NELL1: variants seen among roughly 807,000 people sequenced by gnomAD.
The protein encoded by NELL1 is protein kinase C-binding protein NELL1.
Under a neutral mutation model 107.4 loss-of-function variants are expected in NELL1, and 76 were observed. The ratio of observed to expected loss-of-function variants is 0.71; its 90% confidence interval spans 0.59 to 0.86. The LOEUF is 0.86. NELL1 is among the 40% of genes least tolerant of loss of function. The pLI, the probability that NELL1 is intolerant of heterozygous loss-of-function variation, is 0.00. For synonymous variants in NELL1, 353 were observed against 341.2 expected (o/e 1.03, Z -0.38); for missense variants, 1,024 against 1,005.5 (o/e 1.02, Z -0.25).
chr11:21,324,217 C>T (rs925283769), intron 14 of NELL1, among the ~76,000 whole-genome samples: 1 of 152,042 alleles, frequency 6.6e-6, no homozygotes, highest in East Asian at 1.9e-4. Context: ...GACTTAAAAG[C>T]TCAAGAAATT....
At chr11:21,118,051 T>G (rs1024073845) in intron 13 of NELL1, among the ~76,000 whole-genome samples, 2 of 152,060 alleles carry the variant, frequency 1.3e-5, no homozygotes, top group African/African-American at 4.8e-5. Context: ...TAGCTGTTGA[T>G]TAGGATAACC....
chr11:21,514,030 C>A (rs919300226), intron 15 of NELL1, among the ~76,000 whole-genome samples: 2 of 152,080 alleles, frequency 1.3e-5, no homozygotes, highest in Non-Finnish European at 2.9e-5. Flanking sequence ...TTATCAAAAG[C>A]AAAAACATAA....
At chr11:21,148,255 C>A (rs1002392668) in intron 13 of NELL1, among the ~76,000 whole-genome samples, 3 of 152,140 alleles carry the variant, frequency 2.0e-5, no homozygotes, top group African/African-American at 7.2e-5. Flanking sequence ...AAGGCATATT[C>A]AATATTTGGT....
chr11:21,451,785 A>G (rs1413048672), intron 15 of NELL1, among the ~76,000 whole-genome samples: 1 of 152,176 alleles, frequency 6.6e-6, no homozygotes, highest in African/African-American at 2.4e-5. Flanking sequence ...AAATAAAATT[A>G]TTCTTAAAAG....
At chr11:21,309,312 A>ATGT (rs1446101037) in intron 14 of NELL1, among the ~76,000 whole-genome samples, 1 of 130,000 alleles carries the variant, frequency 7.7e-6, no homozygotes. Flanking sequence ...ATATATATAT[A>ATGT]ATATATATAT....
intron 15 of NELL1, among the ~76,000 whole-genome samples, chr11:21,522,047 G>A (rs369063507): frequency 1.3e-5 from 2 of 152,212 alleles, no homozygotes; most frequent in African/African-American, 4.8e-5. Context: ...CCATTCTGCA[G>A]ACTGTCTCTT....
intron 15 of NELL1, among the ~76,000 whole-genome samples, chr11:21,398,213 T>A (rs1323762376): frequency 6.6e-6 from 1 of 151,724 alleles, no homozygotes; most frequent in Non-Finnish European, 1.5e-5. Flanking sequence ...TGTCCTCCAC[T>A]GGCATGCCCA....
At chr11:21,460,483 C>T (rs1853872616) in intron 15 of NELL1, among the ~76,000 whole-genome samples, 1 of 152,134 alleles carries the variant, frequency 6.6e-6, no homozygotes, top group Non-Finnish European at 1.5e-5. Flanking sequence ...TTAGCTGCCA[C>T]TTGCCAAAGA....
At chr11:21,220,774 G>C (rs1325138822) in intron 13 of NELL1, among the ~76,000 whole-genome samples, 1 of 152,082 alleles carries the variant, frequency 6.6e-6, no homozygotes, top group African/African-American at 2.4e-5. Flanking sequence ...TTTTGGTGGA[G>C]CTTTTGGGTT....
chr11:20,720,184 G>A (rs1276617069), intron 2 of NELL1, among the ~76,000 whole-genome samples: 2 of 148,600 alleles, frequency 1.3e-5, no homozygotes, highest in African/African-American at 4.9e-5. Context: ...TCATTTATAA[G>A]GTGGCCAGTT....
chr11:21,302,738 C>T (rs542063253), intron 14 of NELL1, among the ~76,000 whole-genome samples: 1 of 151,744 alleles, frequency 6.6e-6, no homozygotes, highest in African/African-American at 2.4e-5. Context: ...AAACACTGCT[C>T]TAGGTTCTGT....
At chr11:20,999,132 A>G (rs977777094) in intron 12 of NELL1, among the ~76,000 whole-genome samples, 5 of 152,200 alleles carry the variant, frequency 3.3e-5, no homozygotes, top group African/African-American at 1.2e-4. Flanking sequence ...AATGATGGAT[A>G]TCAAATGCTG....
chr11:20,683,428 T>C (rs1854235928), intron 2 of NELL1, among the ~76,000 whole-genome samples: 1 of 152,070 alleles, frequency 6.6e-6, no homozygotes, highest in Non-Finnish European at 1.5e-5. Context: ...GTGAGCATAA[T>C]TCCCTATAGG....
chr11:21,090,408 C>T lies in NELL1; in HGVS notation c.1301-23181C>T, dbSNP rs554909193. Among the ~76,000 whole-genome samples, 15 of 152,188 alleles carry T rather than the reference C, an allele frequency of 9.9e-5. No homozygotes were observed. The South Asian group carries it at 2.9e-3, about 30-fold the overall frequency. ...CTATTTGCCTGTTCAGTGTTTATTT[C>T]TCTAGTTCTAACAGAGCTATTTTGG... On this transcript the variant is annotated intron_variant, in intron 12 of 19. Transcript: ENST00000357134.
intron 2 of NELL1, among the ~76,000 whole-genome samples, chr11:20,710,053 T>G (rs1855072988): frequency 6.6e-6 from 1 of 152,202 alleles, no homozygotes; most frequent in South Asian, 2.1e-4. Flanking sequence ...CTTTCTCTTG[T>G]CTGATTGCTC....
chr11:20,961,132 G>A (rs1262856027), intron 12 of NELL1, among the ~76,000 whole-genome samples: 1 of 152,088 alleles, frequency 6.6e-6, no homozygotes, highest in Non-Finnish European at 1.5e-5. Context: ...GTGGGATGGT[G>A]GCCTCAAGCA....
chr11:21,052,568 G>T (rs1853520923), intron 12 of NELL1, among the ~76,000 whole-genome samples: 1 of 152,138 alleles, frequency 6.6e-6, no homozygotes, highest in Admixed American at 6.6e-5. Context: ...GCCAGCTACA[G>T]TTCCAGGTAT....
intron 4 of NELL1, among the ~76,000 whole-genome samples, chr11:20,857,110 G>A (rs1848895946): frequency 6.6e-6 from 1 of 152,162 alleles, no homozygotes; most frequent in South Asian, 2.1e-4. Context: ...TGTGCATACA[G>A]CATGCATCCA....
chr11:20,887,739 A>G (rs966327528), intron 5 of NELL1, among the ~76,000 whole-genome samples: 3 of 152,190 alleles, frequency 2.0e-5, no homozygotes, highest in South Asian at 2.1e-4. Context: ...GAAGCTCAAT[A>G]AAGTATATTA....
Sources: allele counts gnomAD v4.1 joint callset (sites outside exome capture counted in the v4.1 genomes callset), GRCh38; gene constraint gnomAD v4.1.1; transcripts MANE v1.5; gene names NCBI Gene and HGNC (gene_info 2026-07-23, HGNC 2026-07-21).